The following FAM209B variants were observed in gnomAD, a reference collection of about 807,000 sequenced individuals.
The protein encoded by FAM209B is protein FAM209B.
A neutral mutation model predicts 8.9 loss-of-function variants in FAM209B; 8 were observed. The ratio of observed to expected loss-of-function variants is 0.90; its 90% CI spans 0.53 to 1.62. The LOEUF (loss-of-function observed/expected upper bound fraction) is 1.62, where lower values mean the gene tolerates loss of function less well. Ranked by LOEUF, FAM209B falls within the 40% of genes most tolerant of loss-of-function variation. The pLI is 0.00. For synonymous variants in FAM209B, 67 were observed against 75.0 expected, an observed-to-expected ratio of 0.89 and a Z score of 0.55; for missense variants, 175 against 205.3, an observed-to-expected ratio of 0.85 and a Z score of 0.90.
At chr20:56,535,718 G>C (rs954182196) in intron 1 of FAM209B, among the ~76,000 whole-genome samples, 1 of 152,142 alleles carries the variant, frequency 6.6e-6, no homozygotes, top group Admixed American at 6.6e-5. Flanking sequence ...AAGGTGTAAA[G>C]TAGTAACAGC....
chr20:56,535,316 G>C (rs1398109905), intron 1 of FAM209B, among the ~76,000 whole-genome samples: 1 of 152,052 alleles, frequency 6.6e-6, no homozygotes. Context: ...CCCCGGCCGG[G>C]GGTGGTGGCT....
chr20:56,536,062 C>G (rs551176683), intron 1 of FAM209B, 110 bp from the exon 2 acceptor site: 13 of 953,228 alleles, frequency 1.4e-5, no homozygotes, highest in Non-Finnish European at 1.9e-5. Flanking sequence ...AGTGCCTGCA[C>G]TCGAGCACTG....
intron 1 of FAM209B, among the ~76,000 whole-genome samples, chr20:56,534,950 G>A (rs1469816813): frequency 2.6e-5 from 4 of 151,898 alleles, no homozygotes; most frequent in Non-Finnish European, 5.9e-5. Context: ...TCGGGAGGCT[G>A]AGGCAGGAGA....
At position 56,533,363 on chromosome 20, in the gene FAM209B, C is replaced by T. The variant is rs149035125; in HGVS notation, c.22C>T (p.Leu8=). The change falls in exon 1 of 2, where the codon CTG becomes TTG. Residue 8 remains leucine (L), a synonymous_variant. Coordinates refer to ENST00000371325, the MANE Select transcript of FAM209B (RefSeq NM_001013646.4). MWTLKSS[L]VLLLCLTCSY... The stretch of plus-strand genomic sequence containing the variant: ...CACCATGTGGACGCTGAAATCGTCC[C>T]TGGTCCTGCTTCTGTGCCTCACCTG... 9.4e-5 allele frequency: 152 copies of T among 1,614,170 alleles called. No individual in the cohort carries two copies. The African/African-American group carries it at 1.6e-3, about 17-fold the overall frequency.
intron 1 of FAM209B, among the ~76,000 whole-genome samples, chr20:56,534,678 G>C (rs1365230584): frequency 1.4e-5 from 2 of 142,946 alleles, no homozygotes; most frequent in African/African-American, 5.3e-5. Context: ...AACCCTGGAG[G>C]CAGAGGTGGT....
In FAM209B at chr20:56,533,327, C is replaced by G. The variant is rs1272854254; in HGVS notation, c.-15C>G. 8.7e-6 allele frequency: 14 copies of G among 1,613,000 alleles called. No individual in the cohort carries two copies. The highest frequency in any genetic ancestry group is 1.2e-5 in the Non-Finnish European group (14 of 1,179,166). ...AACCCGTCATGAGCAACTCCCTTCCCCATCTCTGCTCACCATGTGGACGCT... is the reference window on the plus strand; with the variant it reads ...AACCCGTCATGAGCAACTCCCTTCCGCATCTCTGCTCACCATGTGGACGCT... On this transcript the variant is annotated 5_prime_UTR_variant, in exon 1 of 2. Transcript: ENST00000371325.
At chr20:56,533,904 C>T (rs371890646) in intron 1 of FAM209B, among the ~76,000 whole-genome samples, 1 of 152,166 alleles carries the variant, frequency 6.6e-6, no homozygotes, top group Non-Finnish European at 1.5e-5. Context: ...TGCTGTAATC[C>T]CATCACTTTG....
chr20:56,534,217 T>C (rs1374304059), intron 1 of FAM209B, among the ~76,000 whole-genome samples: 1 of 152,190 alleles, frequency 6.6e-6, no homozygotes, highest in Non-Finnish European at 1.5e-5. Context: ...CCAAATTCAC[T>C]GTTCCCTTGC....
Position 56,536,424 on chromosome 20 carries a change from G to A in FAM209B, c.502G>A (p.Glu168Lys). The A allele has an allele frequency of 1.3e-6, 2 of 1,599,210 alleles. No homozygotes were observed. Among genetic ancestry groups the A allele is most frequent in the Non-Finnish European group, 1.7e-6 (2 of 1,173,074 alleles). The change falls in exon 2 of 2, where the codon GAA becomes AAA. Residue 168 changes from glutamate to lysine, a missense_variant. This residue lies in a region of FAM209B where 166 missense variants were observed against 174.5 expected (regional missense o/e 0.95). Transcript: ENST00000371325. ...CACAATCTGTAAAATATGGGGAGAA[G>A]AAAGCTCTAGCTGAATGGATTTGTG... The part of the protein sequence containing the change: ...HVTICKIWGE[E>K]SSS
chr20:56,533,320 C>G lies in FAM209B; in HGVS notation c.-22C>G. On this transcript the variant is annotated 5_prime_UTR_variant, in exon 1 of 2. Transcript: ENST00000371325. The stretch of plus-strand genomic sequence containing the variant: ...GCAAGCAAACCCGTCATGAGCAACT[C>G]CCTTCCCCATCTCTGCTCACCATGT... 6.2e-6 allele frequency: 10 copies of G among 1,612,740 alleles called. No individual in the cohort carries two copies. Among genetic ancestry groups the G allele is most frequent in the Non-Finnish European group, 8.5e-6 (10 of 1,178,898 alleles).
Position 56,533,569 on chromosome 20 carries a change from A to G in FAM209B, c.228A>G (p.Gln76=), listed in dbSNP as rs1031388128. ...TGCCGTTTGTGATACTGCAGTGTCA[A>G]AGAGACAGTGAGAAGAATAAGGTAA... ...AVVPFVILQC[Q]RDSEKNKEQS... is the part of the protein sequence containing the mutation. Residue 76 remains glutamine (Q), a synonymous_variant, in exon 1 of 2, where the codon CAA becomes CAG. Coordinates refer to ENST00000371325, the MANE Select transcript of FAM209B (RefSeq NM_001013646.4). 7.4e-6 allele frequency: 12 copies of G among 1,614,192 alleles called. No individual in the cohort carries two copies. The highest frequency in any genetic ancestry group is 9.3e-6 in the Non-Finnish European group (11 of 1,180,022).
intron 1 of FAM209B, among the ~76,000 whole-genome samples, chr20:56,535,448 G>A (rs757000302): frequency 2.7e-5 from 4 of 149,380 alleles, no homozygotes; most frequent in South Asian, 2.1e-4. Flanking sequence ...AAAATTAGCC[G>A]GGCATGATGG....
chr20:56,536,244 T>C lies in FAM209B; in HGVS notation c.322T>C (p.Tyr108His). 6.2e-7 allele frequency: 1 copy of C among 1,606,322 alleles called. No individual in the cohort carries two copies. The highest frequency in any genetic ancestry group is 1.7e-4 in the Middle Eastern group (1 of 6,020). Residue 108 changes from tyrosine to histidine, a missense_variant, in exon 2 of 2, where the codon TAC becomes CAC. Physicochemically the swap from Tyr to His is moderately conservative, Grantham distance 83. Coordinates refer to ENST00000371325, the MANE Select transcript of FAM209B (RefSeq NM_001013646.4). ...PLKKNQNASL[Y>H]KDCVFNTLNE... ...AAAGAAAAATCAAAATGCTTCTCTTTACAAAGACTGTGTATTCAATACCTT... is the reference window on the plus strand; with the variant it reads ...AAAGAAAAATCAAAATGCTTCTCTTCACAAAGACTGTGTATTCAATACCTT...
chr20:56,535,031 A>G (rs1258575017), intron 1 of FAM209B, among the ~76,000 whole-genome samples: 2 of 150,874 alleles, frequency 1.3e-5, no homozygotes, highest in Non-Finnish European at 3.0e-5. Context: ...CCTGGGCAAC[A>G]AGAGCAAAAC....
At chr20:56,535,681 CAAAAAAACAAACA>C (rs965911122) in intron 1 of FAM209B, among the ~76,000 whole-genome samples, 2 of 151,118 alleles carry the variant, frequency 1.3e-5, no homozygotes, top group Non-Finnish European at 2.9e-5. Flanking sequence ...AACTGTGTCT[CAAAAAAACAAACA>C]AAAAAAAGAG....
intron 1 of FAM209B, among the ~76,000 whole-genome samples, chr20:56,534,155 A>G (rs555609674): frequency 1.3e-5 from 2 of 152,310 alleles, no homozygotes; most frequent in South Asian, 2.1e-4. Context: ...CTGTCTCAAA[A>G]TAAAGAACTT....
At chr20:56,534,105 G>T (rs1287024079) in intron 1 of FAM209B, among the ~76,000 whole-genome samples, 8 of 152,118 alleles carry the variant, frequency 5.3e-5, no homozygotes, top group Admixed American at 5.2e-4. Context: ...GTGGTGAGCT[G>T]AGATCACACT....
chr20:56,535,867 G>A (rs955199386), intron 1 of FAM209B, among the ~76,000 whole-genome samples: 14 of 152,290 alleles, frequency 9.2e-5, no homozygotes, highest in South Asian at 6.2e-4. Context: ...AACTTTTTCT[G>A]TAAAGGGCCA....
At chr20:56,533,660 T>A in intron 1 of FAM209B, 70 bp downstream of exon 1, 1 of 1,590,778 alleles carries the variant, frequency 6.3e-7, no homozygotes, top group East Asian at 2.2e-5. Context: ...ACGGATGTTC[T>A]AGTGAGTCTA....
Sources: allele counts gnomAD v4.1 joint callset (sites outside exome capture counted in the v4.1 genomes callset), GRCh38; gene constraint gnomAD v4.1.1; regional missense constraint gnomAD v4.1.1; transcripts MANE v1.5; gene names NCBI Gene and HGNC (gene_info 2026-07-23, HGNC 2026-07-21).